The following CALN1 variants were observed in gnomAD, a reference collection of about 807,000 sequenced individuals.
CALN1 encodes calneuron 1, also known as calcium-binding protein 8.
In CALN1, 17 loss-of-function variants were observed where a neutral mutation model predicts 30.6. That is an observed-to-expected ratio of 0.56 (90% confidence interval 0.38 to 0.83). The LOEUF (loss-of-function observed/expected upper bound fraction) is 0.83, where lower values mean the gene tolerates loss of function less well. Ranked by LOEUF, CALN1 falls within the 40% of genes least tolerant of loss-of-function variation. The pLI is 0.00. For missense variants in CALN1, 291 were observed against 354.9 expected, an observed-to-expected ratio of 0.82 and a Z score of 1.45; for synonymous variants, 156 against 131.4, an observed-to-expected ratio of 1.19 and a Z score of -1.28.
chr7:72,433,922 G>T (rs561359494), intron 1 of CALN1, among the ~76,000 whole-genome samples: 4 of 151,886 alleles, frequency 2.6e-5, no homozygotes, highest in Admixed American at 2.0e-4. Context: ...GCCAGGCAGG[G>T]TGGTGGCACA....
intron 3 of CALN1, among the ~76,000 whole-genome samples, chr7:72,197,465 G>A (rs1256492239): frequency 3.3e-5 from 5 of 151,998 alleles, no homozygotes; most frequent in African/African-American, 9.7e-5. Context: ...CTCCCAAAGC[G>A]CTGGGATTAC....
chr7:72,499,842 TTTC>T, the CALN1 span, among the ~76,000 whole-genome samples: 5,673 of 35,400 alleles, frequency 0.16, 898 homozygotes, highest in African/African-American at 0.23. Context: ...TCTTTCTTTC[TTTC>T]TTTCTTTCTT....
At chr7:72,178,314 T>C (rs1789512110) in intron 3 of CALN1, among the ~76,000 whole-genome samples, 1 of 150,896 alleles carries the variant, frequency 6.6e-6, no homozygotes, top group Admixed American at 6.7e-5. Context: ...CAATGGGAAG[T>C]ATAACTGTTG....
the CALN1 span, among the ~76,000 whole-genome samples, chr7:72,476,715 C>T: frequency 6.6e-6 from 1 of 152,330 alleles, no homozygotes; most frequent in East Asian, 1.9e-4. Flanking sequence ...TCAAACTATG[C>T]ATTCATTCAT....
intron 3 of CALN1, among the ~76,000 whole-genome samples, chr7:72,157,305 T>C (rs182391885): frequency 2.2e-4 from 33 of 152,266 alleles, no homozygotes; most frequent in Admixed American, 1.4e-3. Context: ...TCTAGGAAGA[T>C]AGACAAGTAC....
intron 5 of CALN1, among the ~76,000 whole-genome samples, chr7:71,928,824 G>A (rs970884220): frequency 4.0e-5 from 6 of 151,718 alleles, no homozygotes; most frequent in Admixed American, 3.9e-4. Context: ...TTGAGGTCAG[G>A]AGCTCCAGAC....
At chr7:72,486,362 T>C in the CALN1 span, among the ~76,000 whole-genome samples, 7 of 152,114 alleles carry the variant, frequency 4.6e-5, no homozygotes, top group African/African-American at 1.7e-4. Flanking sequence ...TATCATACCC[T>C]TTTTTACAAT....
intron 2 of CALN1, among the ~76,000 whole-genome samples, chr7:72,352,722 C>T (rs1202757515): frequency 6.6e-6 from 1 of 151,580 alleles, no homozygotes; most frequent in Non-Finnish European, 1.5e-5. Flanking sequence ...TTTTAAGATT[C>T]TAACTTAAAA....
chr7:72,017,952 GAGGTTAACAGA>G (rs974524778), intron 5 of CALN1, among the ~76,000 whole-genome samples: 87 of 152,254 alleles, frequency 5.7e-4, no homozygotes, highest in African/African-American at 1.9e-3. Flanking sequence ...AGAGGGAAAA[GAGGTTAACAGA>G]AGTGTTGGCT....
At chr7:71,992,198 T>TA (rs1311716265) in intron 5 of CALN1, among the ~76,000 whole-genome samples, 2 of 152,218 alleles carry the variant, frequency 1.3e-5, no homozygotes, top group African/African-American at 4.8e-5. Flanking sequence ...TACACTTGTT[T>TA]AAATTGGAAA....
intron 4 of CALN1, among the ~76,000 whole-genome samples, chr7:72,098,067 G>T (rs1356894184): frequency 1.3e-5 from 2 of 152,142 alleles, no homozygotes; most frequent in East Asian, 3.9e-4. Flanking sequence ...CTAATACGAT[G>T]CAGGGGATGG....
At chr7:72,329,546 TG>T (rs1801520334) in intron 2 of CALN1, among the ~76,000 whole-genome samples, 1 of 152,248 alleles carries the variant, frequency 6.6e-6, no homozygotes, top group Non-Finnish European at 1.5e-5. Context: ...AGTTCATTCC[TG>T]CTTTGAGACT....
chr7:72,438,451 C>T (rs1324006727), intron 1 of CALN1, among the ~76,000 whole-genome samples: 1 of 152,128 alleles, frequency 6.6e-6, no homozygotes. Context: ...CCCTATTTCT[C>T]CAAAAACACG....
At chr7:72,194,506 G>A (rs539474150) in intron 3 of CALN1, among the ~76,000 whole-genome samples, 1 of 152,110 alleles carries the variant, frequency 6.6e-6, no homozygotes, top group East Asian at 1.9e-4. Flanking sequence ...CTTCAGCCTG[G>A]GCGACAGAGT....
intron 2 of CALN1, among the ~76,000 whole-genome samples, chr7:72,402,639 G>C (rs1381681005): frequency 6.6e-6 from 1 of 152,156 alleles, no homozygotes; most frequent in Non-Finnish European, 1.5e-5. Flanking sequence ...AAAGAAAAAA[G>C]AGCAAGATCA....
At chr7:72,387,857 T>A (rs1407123597) in intron 2 of CALN1, among the ~76,000 whole-genome samples, 1 of 151,946 alleles carries the variant, frequency 6.6e-6, no homozygotes, top group Admixed American at 6.6e-5. Context: ...AAGTTGAAAG[T>A]AGAACAGTGG....
chr7:72,389,166 C>T (rs962188509), intron 2 of CALN1, among the ~76,000 whole-genome samples: 2 of 152,132 alleles, frequency 1.3e-5, no homozygotes, highest in African/African-American at 2.4e-5. Flanking sequence ...GTCTCCATGG[C>T]GGGGCAACGC....
chr7:72,309,617 T>A (rs949476777), intron 2 of CALN1, among the ~76,000 whole-genome samples: 18 of 152,024 alleles, frequency 1.2e-4, no homozygotes, highest in African/African-American at 4.1e-4. Flanking sequence ...GGGAAGCTGA[T>A]GAATCAGAAG....
chr7:72,234,436 T>C (rs1396291944), intron 3 of CALN1, among the ~76,000 whole-genome samples: 1 of 151,862 alleles, frequency 6.6e-6, no homozygotes, highest in Non-Finnish European at 1.5e-5. Context: ...CTTGTCTTTT[T>C]TTGTTTTGTT....
Sources: gnomAD v4.1 joint callset for allele counts (sites outside exome capture counted in the v4.1 genomes callset) on GRCh38, gnomAD v4.1.1 for gene constraint, MANE v1.5 for transcripts, NCBI Gene and HGNC (gene_info 2026-07-23, HGNC 2026-07-21) for gene names.